The following TSPAN11 variants were observed in gnomAD, a reference collection of about 807,000 sequenced individuals.
The protein encoded by TSPAN11 is tetraspanin-11.
In TSPAN11, 29 loss-of-function variants were observed where a neutral mutation model predicts 32.9. The observed-to-expected ratio is 0.88, with a 90% CI of 0.66 to 1.20. The LOEUF is 1.20. TSPAN11 is among the 50% of genes most tolerant of loss of function. The probability of loss-of-function intolerance (pLI) is 0.00; values close to 1 mark genes in which losing one functional copy is unlikely to be tolerated. For missense variants in TSPAN11, 283 were observed against 329.1 expected (o/e 0.86, Z 1.08); for synonymous variants, 140 against 141.3 (o/e 0.99, Z 0.07).
chr12:30,972,770 T>G (rs1344603552), intron 3 of TSPAN11, among the ~76,000 whole-genome samples: 2 of 141,018 alleles, frequency 1.4e-5, no homozygotes, highest in East Asian at 4.2e-4. Context: ...GTTGCTCTCG[T>G]GCCATTCTTG....
At chr12:30,979,504 C>G in intron 4 of TSPAN11, 62 bp from the exon 5 acceptor site, 1 of 1,511,438 alleles carries the variant, frequency 6.6e-7, no homozygotes, top group Non-Finnish European at 9.2e-7. Flanking sequence ...GAAGTGGGCC[C>G]GGTGCCAGGG....
At position 30,963,831 on chromosome 12, in the gene TSPAN11, G is replaced by A. The variant is rs1213025591; in HGVS notation, c.90G>A (p.Gly30=). The part of the protein sequence containing the change: ...LFVFNFFFWV[G]GAAVLAVGIW... ...AACCCGGTGGTCTCCTGCAGGTCGG[G>A]GGAGCAGCCGTCCTGGCTGTGGGCA... Residue 30 remains glycine (G), a synonymous_variant, in exon 3 of 8, where the codon GGG becomes GGA. Coordinates refer to ENST00000546076, the MANE Select transcript of TSPAN11 (RefSeq NM_001370302.1). 6.2e-7 allele frequency: 1 copy of A among 1,607,362 alleles called. No homozygotes were observed. Among genetic ancestry groups the A allele is most frequent in the Non-Finnish European group, 8.5e-7 (1 of 1,179,786 alleles).
chr12:30,996,816 G>A (rs1240237906), downstream of TSPAN11, among the ~76,000 whole-genome samples: 2 of 152,134 alleles, frequency 1.3e-5, no homozygotes, highest in Non-Finnish European at 2.9e-5. Flanking sequence ...GCTCACAAGT[G>A]TCATTAGCTC....
chr12:30,954,296 T>C (rs1368743544), intron 2 of TSPAN11: 19 of 585,580 alleles, frequency 3.2e-5, no homozygotes, highest in Non-Finnish European at 3.4e-5. Context: ...TTGTACCACA[T>C]GGCATCTGAA....
intron 1 of TSPAN11, among the ~76,000 whole-genome samples, chr12:30,946,788 G>A (rs1262953033): frequency 1.3e-5 from 2 of 152,206 alleles, no homozygotes; most frequent in African/African-American, 2.4e-5. Flanking sequence ...GAAAAGACCA[G>A]CTTCACGGAG....
intron 3 of TSPAN11, among the ~76,000 whole-genome samples, chr12:30,978,111 T>G (rs1173437679): frequency 6.6e-6 from 1 of 152,158 alleles, no homozygotes; most frequent in East Asian, 1.9e-4. Context: ...AAATGCCTAT[T>G]CAGTCCTTAA....
chr12:30,938,649 T>C (rs1172114420), intron 1 of TSPAN11, among the ~76,000 whole-genome samples: 1 of 152,168 alleles, frequency 6.6e-6, no homozygotes, highest in African/African-American at 2.4e-5. Context: ...CCCAGCACCC[T>C]GGGGTCTTGG....
chr12:30,949,296 T>C (rs986134283), intron 1 of TSPAN11, among the ~76,000 whole-genome samples: 6 of 152,184 alleles, frequency 3.9e-5, no homozygotes, highest in Non-Finnish European at 2.9e-5. Context: ...AACATCCCAC[T>C]CTACTGGTAC....
chr12:31,011,423 A>G, the TSPAN11 span, among the ~76,000 whole-genome samples: 4 of 152,280 alleles, frequency 2.6e-5, no homozygotes, highest in Non-Finnish European at 5.9e-5. Flanking sequence ...TTAGTATCCA[A>G]CTCAAGAAAT....
intron 3 of TSPAN11, among the ~76,000 whole-genome samples, chr12:30,973,382 G>A (rs1938893056): frequency 6.6e-6 from 1 of 152,220 alleles, no homozygotes; most frequent in African/African-American, 2.4e-5. Context: ...CACGTGGGCT[G>A]TTACTGTTAC....
intron 1 of TSPAN11, among the ~76,000 whole-genome samples, chr12:30,938,268 T>A (rs1938086274): frequency 6.6e-6 from 1 of 152,184 alleles, no homozygotes; most frequent in South Asian, 2.1e-4. Flanking sequence ...GGTCTTTTAT[T>A]GGATGAACCA....
At chr12:30,966,836 G>C (rs1316948066) in intron 3 of TSPAN11, among the ~76,000 whole-genome samples, 2 of 152,258 alleles carry the variant, frequency 1.3e-5, no homozygotes, top group Admixed American at 6.5e-5. Context: ...GGGGACCCTA[G>C]AAGCCTCAGG....
chr12:30,934,165 G>A lies in TSPAN11; in HGVS notation c.-12+7369G>A, dbSNP rs140245916. ...GCACTAACCCCCAGCTGTTGGGTGGGCCAGGCCCAGGTGGACAGGGGTGAC... is the reference window on the plus strand; with the variant it reads ...GCACTAACCCCCAGCTGTTGGGTGGACCAGGCCCAGGTGGACAGGGGTGAC... On this transcript the variant is annotated intron_variant, in intron 1 of 7. Coordinates refer to ENST00000546076, the MANE Select transcript of TSPAN11 (RefSeq NM_001370302.1). 4.3e-3 allele frequency among the ~76,000 whole-genome samples: 652 copies of A among 152,348 alleles called. 12 individuals are homozygous for A. Among genetic ancestry groups the A allele is most frequent in the African/African-American group, 0.015 (626 of 41,586 alleles).
intron 1 of TSPAN11, among the ~76,000 whole-genome samples, chr12:30,936,720 A>G (rs959707499): frequency 6.6e-6 from 1 of 152,160 alleles, no homozygotes; most frequent in African/African-American, 2.4e-5. Flanking sequence ...GTGGGAAGAT[A>G]CTGACTTAGT....
intron 1 of TSPAN11, among the ~76,000 whole-genome samples, chr12:30,945,035 T>A (rs1186185686): frequency 6.6e-6 from 1 of 152,178 alleles, no homozygotes; most frequent in Admixed American, 6.5e-5. Context: ...GTGCTTCCTG[T>A]TGCACTGGCC....
intron 3 of TSPAN11, chr12:30,978,291 A>T (rs1195953155): frequency 1.4e-5 from 6 of 441,440 alleles, no homozygotes; most frequent in African/African-American, 1.2e-4. Context: ...TAGTTGTCTT[A>T]CTTACGCTAC....
chr12:30,978,309 CTGGCATA>C, intron 3 of TSPAN11: 2 of 470,390 alleles, frequency 4.3e-6, no homozygotes, highest in Non-Finnish European at 7.6e-6. Context: ...TACCTGGCAT[CTGGCATA>C]TGGCATGTAT....
intron 4 of TSPAN11, chr12:30,978,959 C>G (rs938071891): frequency 2.2e-5 from 8 of 358,750 alleles, no homozygotes; most frequent in African/African-American, 1.2e-4. Flanking sequence ...GAAGAAAGGC[C>G]TGGGCCAGGG....
chr12:31,007,005 C>T, the TSPAN11 span, among the ~76,000 whole-genome samples: 3 of 152,186 alleles, frequency 2.0e-5, no homozygotes, highest in Non-Finnish European at 4.4e-5. Context: ...AGCCACTGCC[C>T]ATAGCCGTTC....
Sources: allele counts gnomAD v4.1 joint callset (sites outside exome capture counted in the v4.1 genomes callset), GRCh38; gene constraint gnomAD v4.1.1; transcripts MANE v1.5; gene names NCBI Gene and HGNC (gene_info 2026-07-23, HGNC 2026-07-21).